Variants in CALML4 observed in about 807,000 individuals in gnomAD.
The protein encoded by CALML4 is calmodulin like 4, also known as calmodulin-like protein 4.
Under a neutral mutation model 17.9 loss-of-function variants are expected in CALML4, and 16 were observed. The observed-to-expected ratio is 0.89, with a 90% CI of 0.61 to 1.36. The LOEUF is 1.36. CALML4 is among the 40% of genes most tolerant of loss of function. The pLI is 0.00. For missense variants in CALML4, 203 were observed against 194.8 expected (o/e 1.04, Z -0.25); for synonymous variants, 86 against 71.5 (o/e 1.20, Z -1.02).
rs2093163648 is a variant in CALML4, at chr15:68,200,938, C to A, written c.35-1257G>T. Among the ~76,000 whole-genome samples the A allele has an allele frequency of 1.3e-5, 2 of 152,144 alleles. No individual in the cohort carries two copies. The stretch of plus-strand genomic sequence containing the variant: ...ACTGAGAGCCTGGCTGTGGGCAGCT[C>A]TGCCCACCAGGCCACACTGCCTTCG... On this transcript the variant is annotated intron_variant, in intron 2 of 4. Coordinates refer to ENST00000467889, the MANE Select transcript of CALML4 (RefSeq NM_033429.3). The surrounding 1 kb of genome is among the most constrained non-coding windows in gnomAD (Gnocchi z 4.3).
Position 68,197,514 on chromosome 15 carries a change from T to C in CALML4, c.290A>G (p.Lys97Arg). ...LLAMLMVDKE[K>R]KGYVMASDLR... ...GTCGGACGCCATGACGTAACCTTTC[T>C]TCTCCTTGTCCACCATCAACATGGC... The change falls in exon 4 of 5, where the codon AAG becomes AGG. Residue 97 changes from lysine to arginine, a missense_variant. By Grantham distance (26) the Lys-to-Arg change is conservative. Coordinates refer to ENST00000467889, the MANE Select transcript of CALML4 (RefSeq NM_033429.3). This position sits in a 1 kb window ranked among gnomAD's most constrained non-coding sequence, Gnocchi z 4.1. 1 of 1,614,188 alleles carries C rather than the reference T, an allele frequency of 6.2e-7. No individual in the cohort carries two copies. Among genetic ancestry groups the C allele is most frequent in the Non-Finnish European group, 8.5e-7 (1 of 1,180,032 alleles).
At chr15:68,205,346 G>A (rs2093179535), upstream of CALML4, 1 of 1,614,030 alleles carries the variant, frequency 6.2e-7, no homozygotes, top group Non-Finnish European at 8.5e-7. The surrounding 1 kb of genome is among the most constrained non-coding windows in gnomAD (Gnocchi z 4.8). Flanking sequence ...AAGCTGGGTG[G>A]AGGCCCGGGT....
chr15:68,203,360 T>A (rs1403431790), intron 2 of CALML4, among the ~76,000 whole-genome samples: 1 of 152,262 alleles, frequency 6.6e-6, no homozygotes, highest in African/African-American at 2.4e-5. Context: ...AATGAATGAA[T>A]GGTCATTAAA....
chr15:68,197,123 A>C lies in CALML4; in HGVS notation c.364+317T>G, dbSNP rs2093147652. 7.1e-6 allele frequency among the ~76,000 whole-genome samples: 1 copy of C among 141,088 alleles called. No homozygotes were observed. The highest frequency in any genetic ancestry group is 7.2e-5 in the Admixed American group (1 of 13,976). 92.6% of individuals were successfully genotyped at this position (141,088 alleles called of 152,430 possible). ...CCCAGGGGTGTCATGCACTAGATGA[A>C]GCCCCACAGTGAGAGCTTGAACACA... is the stretch of plus-strand genomic sequence containing the variant. On this transcript the variant is annotated intron_variant, in intron 4 of 4. Transcript: ENST00000467889. This position sits in a 1 kb window ranked among gnomAD's most constrained non-coding sequence, Gnocchi z 4.1.
At chr15:68,203,350 A>T (rs569413790) in intron 2 of CALML4, among the ~76,000 whole-genome samples, 69 of 152,356 alleles carry the variant, frequency 4.5e-4, no homozygotes, top group Non-Finnish European at 7.2e-4. Flanking sequence ...TTCTTTTTCC[A>T]ATGAATGAAT....
Position 68,205,259 on chromosome 15 carries a change from G to A in CALML4, c.-12C>T, listed in dbSNP as rs11071990. 35,327 of 1,613,970 alleles carry A rather than the reference G, an allele frequency of 0.022. 2,244 individuals carry two copies. In the African/African-American group the frequency reaches 0.23, roughly 11 times the overall value. The stretch of plus-strand genomic sequence containing the variant: ...CTCACACTCACCATTCTGGGGCCTC[G>A]GCTGCTACCCGTGGGCTTGCTGCTC... On this transcript the variant is annotated 5_prime_UTR_variant, in exon 1 of 5. Transcript: ENST00000467889. This position sits in a 1 kb window ranked among gnomAD's most constrained non-coding sequence, Gnocchi z 4.8.
Position 68,191,532 on chromosome 15 carries a change from G to A in CALML4, c.*2483C>T, listed in dbSNP as rs2141117078. On this transcript the variant is annotated 3_prime_UTR_variant, in exon 5 of 5. Transcript: ENST00000467889. ...AATCCCTATGAGACAAGTGATAATG[G>A]TTTGTGCTTCCAAAGCACCTTTCAT... is the stretch of plus-strand genomic sequence containing the variant. 1 of 152,746 alleles carries A rather than the reference G, an allele frequency of 6.5e-6. No homozygotes were observed. The highest frequency in any genetic ancestry group is 1.9e-4 in the East Asian group (1 of 5,192). 9.5% of individuals were successfully genotyped at this position (152,746 alleles called of 1,614,324 possible).
chr15:68,198,243 G>T (rs1397881996), intron 3 of CALML4: 1 of 152,328 alleles, frequency 6.6e-6, no homozygotes, highest in East Asian at 1.9e-4. Context: ...GGGATCTCAG[G>T]TATCAGACCA....
rs2093173925 is a variant in CALML4 at position 68,204,021 on chromosome 15, T to C, written c.34+1100A>G. 6.6e-6 allele frequency among the ~76,000 whole-genome samples: 1 copy of C among 152,140 alleles called. No individual in the cohort carries two copies. The highest frequency in any genetic ancestry group is 1.5e-5 in the Non-Finnish European group (1 of 68,022). On this transcript the variant is annotated intron_variant, in intron 2 of 4. Transcript: ENST00000467889. The surrounding 1 kb of genome is among the most constrained non-coding windows in gnomAD (Gnocchi z 6.0). ...CTCCAGCCCTCAGTCCACCATTCAT[T>C]ATCACCGTTAGACCTGGACAAGAGG...
chr15:68,205,493 G>A (rs2093180334), upstream of CALML4: 31 of 1,283,956 alleles, frequency 2.4e-5, no homozygotes, highest in Non-Finnish European at 3.2e-5. The surrounding 1 kb of genome is among the most constrained non-coding windows in gnomAD (Gnocchi z 4.8). Context: ...GCTCTCCCTG[G>A]GCTCAGAGTC....
chr15:68,196,168 C>T (rs1430400050), intron 4 of CALML4, among the ~76,000 whole-genome samples: 1 of 152,258 alleles, frequency 6.6e-6, no homozygotes, highest in Admixed American at 6.5e-5. Context: ...CCTGCCTCAG[C>T]CTCCCGAGTA....
At position 68,191,053 on chromosome 15, in the gene CALML4, A is replaced by T. The variant is rs2093117364; in HGVS notation, c.*2962T>A. 6.6e-6 allele frequency: 1 copy of T among 152,572 alleles called. No homozygotes were observed. The highest frequency in any genetic ancestry group is 1.5e-5 in the Non-Finnish European group (1 of 68,028). The allele number at this position is 152,572 out of a possible 1,614,324, so 9.5% of individuals were successfully genotyped here. ...TTCAGGACTTTTTAAAGCACATTTG[A>T]AATTATTTTAGTAAGAATTTTGTTT... On this transcript the variant is annotated 3_prime_UTR_variant, in exon 5 of 5. Transcript: ENST00000467889.
At chr15:68,201,632 G>A (rs2093165878) in intron 2 of CALML4, among the ~76,000 whole-genome samples, 1 of 152,124 alleles carries the variant, frequency 6.6e-6, no homozygotes, top group African/African-American at 2.4e-5. Flanking sequence ...ACTACTCCCC[G>A]ACAAGCCCTG....
rs769954423 is a variant in CALML4 at position 68,197,551 on chromosome 15, C to T, written c.253G>A (p.Glu85Lys). The T allele has an allele frequency of 6.2e-7, 1 of 1,614,108 alleles. No homozygotes were observed. Among genetic ancestry groups the T allele is most frequent in the South Asian group, 1.1e-5 (1 of 91,082 alleles). ...MQIKQEDPKKEILLAMLMVDK... is the reference protein window; with the variant it reads ...MQIKQEDPKKKILLAMLMVDK... ...ACCATCAACATGGCTAGAAGAATTT[C>T]TTTCTTTGGGTCTTCTTGTTTTATT... The change falls in exon 4 of 5, where the codon GAA becomes AAA. Residue 85 changes from glutamate (E) to lysine (K), a missense_variant. Coordinates refer to ENST00000467889, the MANE Select transcript of CALML4 (RefSeq NM_033429.3). The surrounding 1 kb of genome is among the most constrained non-coding windows in gnomAD (Gnocchi z 4.1).
At chr15:68,196,881 C>A (rs1453002833) in intron 4 of CALML4, among the ~76,000 whole-genome samples, 1 of 152,184 alleles carries the variant, frequency 6.6e-6, no homozygotes, top group Admixed American at 6.5e-5. Flanking sequence ...TGGCAAAGTT[C>A]CCTCTGGAGC....
chr15:68,206,095 C>T (rs2093183453), upstream of CALML4: 2 of 152,432 alleles, frequency 1.3e-5, no homozygotes, highest in Non-Finnish European at 2.9e-5. Flanking sequence ...CCCTTCCTCT[C>T]TCCACCCTCA....
At position 68,200,847 on chromosome 15, in the gene CALML4, T is replaced by C. The variant is rs557576313; in HGVS notation, c.35-1166A>G. Among the ~76,000 whole-genome samples, 1 of 152,140 alleles carries C rather than the reference T, an allele frequency of 6.6e-6. No homozygotes were observed. The highest frequency in any genetic ancestry group is 2.4e-5 in the African/African-American group (1 of 41,522). On this transcript the variant is annotated intron_variant, in intron 2 of 4. Coordinates refer to ENST00000467889, the MANE Select transcript of CALML4 (RefSeq NM_033429.3). This position sits in a 1 kb window ranked among gnomAD's most constrained non-coding sequence, Gnocchi z 4.3. The stretch of plus-strand genomic sequence containing the variant: ...ACTCCACCCCCAGGCCCTCGCTTCA[T>C]CCCCACAACCCTGTGATGCGCCCCC...
rs946446434 is a variant in CALML4 at position 68,197,407 on chromosome 15, C to T, written c.364+33G>A. 11 of 1,602,502 alleles carry T rather than the reference C, an allele frequency of 6.9e-6. No individual in the cohort carries two copies. In the African/African-American group the frequency reaches 1.2e-4, roughly 18 times the overall value. On this transcript the variant is annotated intron_variant, in intron 4 of 4. Transcript: ENST00000467889. The surrounding 1 kb of genome is among the most constrained non-coding windows in gnomAD (Gnocchi z 4.1). ...CCTCCTTCCAACTCCCTAACCCCCT[C>T]CAACTGTTGGGAGACAGGACCCAGG...
At position 68,202,643 on chromosome 15, in the gene CALML4, C is replaced by CCT. The variant is rs1555437418; in HGVS notation, c.34+2477_34+2478insAG. On this transcript the variant is annotated intron_variant, in intron 2 of 4. Coordinates refer to ENST00000467889, the MANE Select transcript of CALML4 (RefSeq NM_033429.3). ...GATTACCACAAATGAGTTTTGCCAA[C>CCT]TTTTTTTTTTTTTTTTTTTGAGAGA... 4.5e-4 allele frequency among the ~76,000 whole-genome samples: 57 copies of CCT among 127,714 alleles called. 5 individuals carry two copies. The highest frequency in any genetic ancestry group is 5.8e-4 in the Non-Finnish European group (35 of 60,858). The allele number at this position is 127,714 out of a possible 152,430, so 83.8% of individuals were successfully genotyped here.
Sources: allele counts gnomAD v4.1 joint callset (sites outside exome capture counted in the v4.1 genomes callset), GRCh38; gene constraint gnomAD v4.1.1; non-coding constraint Gnocchi (gnomAD v3.1); transcripts MANE v1.5; gene names NCBI Gene and HGNC (gene_info 2026-07-23, HGNC 2026-07-21).